TMX2: variants seen among roughly 807,000 people sequenced by gnomAD.
TMX2 encodes the protein thioredoxin related transmembrane protein 2.
A neutral mutation model predicts 33.4 loss-of-function variants in TMX2; 20 were observed. The observed-to-expected ratio is 0.60, with a 90% CI of 0.42 to 0.87. TMX2 has a LOEUF of 0.87. Among genes scored for constraint, TMX2 ranks in the 40% least tolerant of loss-of-function variants. The pLI, the probability that TMX2 is intolerant of heterozygous loss-of-function variation, is 0.00. For synonymous variants in TMX2, 166 were observed against 140.7 expected (o/e 1.18, Z -1.27); for missense variants, 340 against 370.7 (o/e 0.92, Z 0.68).
At chr11:57,712,902 C>T (rs1209491124) in intron 1 of TMX2, 95 bp downstream of exon 1, 10 of 1,364,402 alleles carry the variant, frequency 7.3e-6, no homozygotes, top group African/African-American at 2.9e-5. Context: ...CTGAGGACAC[C>T]TGAGGTTCCG....
At chr11:57,712,955 CCAT>C in intron 1 of TMX2, 148 bp downstream of exon 1, 2 of 825,806 alleles carry the variant, frequency 2.4e-6, no homozygotes, top group Non-Finnish European at 3.8e-6. Context: ...AGGGTCCGAA[CCAT>C]CATCGAGTCT....
intron 1 of TMX2, among the ~76,000 whole-genome samples, chr11:57,722,635 G>T (rs1001879217): frequency 1.3e-5 from 2 of 152,182 alleles, no homozygotes; most frequent in Non-Finnish European, 2.9e-5. Flanking sequence ...TTTAAAAAAT[G>T]TAAGTGCTTA....
In TMX2 at chr11:57,740,114, G is replaced by T; in HGVS notation, c.760G>T (p.Glu254Ter). The T allele has an allele frequency of 6.2e-7, 1 of 1,613,946 alleles. No individual in the cohort carries two copies. The highest frequency in any genetic ancestry group is 8.5e-7 in the Non-Finnish European group (1 of 1,179,860). ...WTFSEENVIREFNLNELYQRA... is the reference protein window; with the variant it reads ...WTFSEENVIR ...TTTTGTGCAGGAGAATGTGATCCGA[G>T]AATTTAACTTAAATGAGCTATACCA... Residue 254 changes from glutamate (E) to a stop codon, truncating the protein, a stop_gained, in exon 8 of 8, where the codon GAA becomes TAA. Coordinates refer to ENST00000278422, the MANE Select transcript of TMX2 (RefSeq NM_015959.4). LOFTEE classifies it high-confidence loss of function.
intron 1 of TMX2, among the ~76,000 whole-genome samples, chr11:57,729,179 C>A (rs1455652369): frequency 6.6e-6 from 1 of 151,944 alleles, no homozygotes; most frequent in Non-Finnish European, 1.5e-5. Context: ...GGAGAATGTC[C>A]CCTTTTCGGG....
intron 1 of TMX2, among the ~76,000 whole-genome samples, chr11:57,723,805 A>AAATAAT (rs71061533): frequency 0.047 from 6,665 of 142,298 alleles, 195 homozygotes; most frequent in African/African-American, 0.079. Flanking sequence ...TCTGTCTCAA[A>AAATAAT]AATAATAATA....
At position 57,738,975 on chromosome 11, in the gene TMX2, T is replaced by C. The variant is rs775745412; in HGVS notation, c.550T>C (p.Tyr184His). The change falls in exon 6 of 8, where the codon TAC becomes CAC. Residue 184 changes from tyrosine to histidine, a missense_variant and splice_region_variant. Coordinates refer to ENST00000278422, the MANE Select transcript of TMX2 (RefSeq NM_015959.4). ...APIYADLSLK[Y>H]NCTGLNFGKV... ...TATTAAATAATATATTCTTTTCAGATACAACTGTACAGGGCTAAATTTTGG... is the reference window on the plus strand; with the variant it reads ...TATTAAATAATATATTCTTTTCAGACACAACTGTACAGGGCTAAATTTTGG... 2 of 1,613,718 alleles carry C rather than the reference T, an allele frequency of 1.2e-6. No homozygotes were observed. Among genetic ancestry groups the C allele is most frequent in the South Asian group, 2.2e-5 (2 of 91,028 alleles).
chr11:57,724,522 A>C (rs1947847573), intron 1 of TMX2, among the ~76,000 whole-genome samples: 1 of 152,048 alleles, frequency 6.6e-6, no homozygotes, highest in South Asian at 2.1e-4. Flanking sequence ...GCCTTACCAA[A>C]TATCCTGTCC....
At chr11:57,716,764 T>A (rs1439969548) in intron 1 of TMX2, among the ~76,000 whole-genome samples, 4 of 141,846 alleles carry the variant, frequency 2.8e-5, no homozygotes, top group African/African-American at 1.1e-4. Context: ...GCAGAGGGGC[T>A]CCTCACTTCC....
At position 57,712,608 on chromosome 11, in the gene TMX2, C is replaced by A. The variant is rs757914437; in HGVS notation, c.-11C>A. 4.4e-6 allele frequency: 7 copies of A among 1,602,178 alleles called. No individual in the cohort carries two copies. The highest frequency in any genetic ancestry group is 2.2e-5 in the South Asian group (2 of 90,000). ...CGACGCCGGCGAGCAGTGGCCGTTACGGCCGAAAAGATGGCGGTCTTGGCA... is the reference window on the plus strand; with the variant it reads ...CGACGCCGGCGAGCAGTGGCCGTTAAGGCCGAAAAGATGGCGGTCTTGGCA... On this transcript the variant is annotated 5_prime_UTR_variant, in exon 1 of 8. Transcript: ENST00000278422.
Position 57,740,272 on chromosome 11 carries a change from T to C in TMX2, c.*27T>C. Reference sequence around the variant, plus strand: ...ATCCTCACTTTGGCAGTGCTTCCTCTCCTGTCAATTCCAGGCTCTTTCCAT... The same window carrying C: ...ATCCTCACTTTGGCAGTGCTTCCTCCCCTGTCAATTCCAGGCTCTTTCCAT... On this transcript the variant is annotated 3_prime_UTR_variant, in exon 8 of 8. Coordinates refer to ENST00000278422, the MANE Select transcript of TMX2 (RefSeq NM_015959.4). 6.4e-7 allele frequency: 1 copy of C among 1,550,812 alleles called. No individual in the cohort carries two copies. The highest frequency in any genetic ancestry group is 8.7e-7 in the Non-Finnish European group (1 of 1,152,548).
intron 1 of TMX2, among the ~76,000 whole-genome samples, chr11:57,730,511 C>T (rs1234481775): frequency 2.1e-5 from 3 of 142,698 alleles, no homozygotes; most frequent in Admixed American, 7.2e-5. Flanking sequence ...CCGAGGCGGG[C>T]AGATCATCTG....
intron 1 of TMX2, among the ~76,000 whole-genome samples, chr11:57,716,587 C>T (rs1305135515): frequency 4.6e-5 from 6 of 130,936 alleles, no homozygotes; most frequent in Admixed American, 1.5e-4. Context: ...ACCTCCCTCC[C>T]GGACGGGGCG....
intron 1 of TMX2, among the ~76,000 whole-genome samples, chr11:57,729,977 A>C (rs539743041): frequency 3.6e-4 from 52 of 146,078 alleles, no homozygotes; most frequent in Non-Finnish European, 7.7e-4. Flanking sequence ...GCATGGTGGC[A>C]TGCACTGTAG....
Position 57,740,348 on chromosome 11 carries a change from T to A in TMX2, c.*103T>A. ...TTTATTTATGTTTTCCCTTTGGCTG[T>A]GACTGGGTGGGGCAGCATGCAGCTT... is the stretch of plus-strand genomic sequence containing the variant. On this transcript the variant is annotated 3_prime_UTR_variant, in exon 8 of 8. Coordinates refer to ENST00000278422, the MANE Select transcript of TMX2 (RefSeq NM_015959.4). 1.5e-6 allele frequency: 2 copies of A among 1,357,978 alleles called. No homozygotes were observed. The highest frequency in any genetic ancestry group is 9.7e-7 in the Non-Finnish European group (1 of 1,026,220). 84.1% of individuals were successfully genotyped at this position (1,357,978 alleles called of 1,614,324 possible). A position where few individuals can be genotyped will look rare whatever the true frequency, so the allele number is the denominator to read the frequency against.
Position 57,722,755 on chromosome 11 carries a change from T to C in TMX2, c.189+9948T>C, listed in dbSNP as rs56163218. Among the ~76,000 whole-genome samples, 632 of 152,066 alleles carry C rather than the reference T, an allele frequency of 4.2e-3. 6 individuals are homozygous for C. Among genetic ancestry groups the C allele is most frequent in the African/African-American group, 0.015 (606 of 41,352 alleles). ...ATGTTTAAACCCTCAAGTTTTTTTTTCCCCCACTGGAAATTTGGGTTACTA... is the reference window on the plus strand; with the variant it reads ...ATGTTTAAACCCTCAAGTTTTTTTTCCCCCCACTGGAAATTTGGGTTACTA... On this transcript the variant is annotated intron_variant, in intron 1 of 7. Transcript: ENST00000278422.
At chr11:57,738,303 C>T (rs1352240126) in intron 3 of TMX2, 51 bp from the exon 4 acceptor site, 3 of 1,379,452 alleles carry the variant, frequency 2.2e-6, no homozygotes, top group Non-Finnish European at 2.1e-6. Context: ...GAAGTAAATT[C>T]CCTGTGTAAG....
At chr11:57,725,493 T>C (rs562083081) in intron 1 of TMX2, among the ~76,000 whole-genome samples, 3 of 152,144 alleles carry the variant, frequency 2.0e-5, no homozygotes, top group South Asian at 4.1e-4. Context: ...TCCCACCACT[T>C]TGGGAGACCG....
rs553893763 is a variant in TMX2, at chr11:57,738,842, C to T, written c.548+72C>T. The T allele has an allele frequency of 7.0e-6, 11 of 1,564,210 alleles. No individual in the cohort carries two copies. In the African/African-American group the frequency reaches 1.2e-4, roughly 17 times the overall value. On this transcript the variant is annotated intron_variant, in intron 5 of 7. Coordinates refer to ENST00000278422, the MANE Select transcript of TMX2 (RefSeq NM_015959.4). ...TTCCCTCTCACTGTTTTTGGCTTTT[C>T]TTTTTCTTTTGGCCTTGATTTTCAC...
chr11:57,713,907 T>C (rs1353563499), intron 1 of TMX2, among the ~76,000 whole-genome samples: 2 of 152,230 alleles, frequency 1.3e-5, no homozygotes, highest in Non-Finnish European at 2.9e-5. Context: ...TTGACAGGCT[T>C]CCATCTTTCT....
Sources: allele counts gnomAD v4.1 joint callset (sites outside exome capture counted in the v4.1 genomes callset), GRCh38; gene constraint gnomAD v4.1.1; transcripts MANE v1.5; gene names NCBI Gene and HGNC (gene_info 2026-07-23, HGNC 2026-07-21).